The following SATL1 variants were observed in gnomAD, a reference collection of about 807,000 sequenced individuals.
SATL1 encodes spermidine/spermine N(1)-acetyltransferase-like protein 1.
SATL1 carries 47 observed loss-of-function variants against 51.8 expected under a neutral mutation model. The ratio of observed to expected loss-of-function variants is 0.91; its 90% confidence interval spans 0.72 to 1.16. The LOEUF (loss-of-function observed/expected upper bound fraction) is 1.16. Ranked by LOEUF, SATL1 falls within the 50% of genes most tolerant of loss-of-function variation. The pLI is 0.00. For missense variants in SATL1, 520 were observed against 526.4 expected (o/e 0.99, Z 0.12); for synonymous variants, 176 against 182.4 (o/e 0.97, Z 0.28).
intron 2 of SATL1, among the ~76,000 whole-genome samples, chrX:85,123,525 T>C (rs1925552070): frequency 8.9e-6 from 1 of 111,977 alleles, no homozygotes; most frequent in African/African-American, 3.2e-5. Context: ...TGTTTTTTAG[T>C]TGTTAATTTG....
At chrX:85,240,092 G>A (rs1042850420) in intron 1 of SATL1, among the ~76,000 whole-genome samples, 5 of 111,571 alleles carry the variant, frequency 4.5e-5, no homozygotes, top group Non-Finnish European at 9.4e-5. Context: ...TCCAGAAAAT[G>A]TATTTTTTTT....
At chrX:85,213,779 T>C (rs1927978923) in intron 2 of SATL1, among the ~76,000 whole-genome samples, 1 of 111,350 alleles carries the variant, frequency 9.0e-6, no homozygotes, top group African/African-American at 3.3e-5. Flanking sequence ...ATATCATCTA[T>C]GAGGACAAGT....
chrX:85,223,552 G>A (rs1928216678), intron 2 of SATL1, among the ~76,000 whole-genome samples: 1 of 111,071 alleles, frequency 9.0e-6, no homozygotes, highest in Non-Finnish European at 1.9e-5. Flanking sequence ...TCCGAATCCT[G>A]GATGATGAGC....
At chrX:85,112,633 A>G (rs1569229744) in intron 2 of SATL1, among the ~76,000 whole-genome samples, 1 of 111,178 alleles carries the variant, frequency 9.0e-6, no homozygotes. Flanking sequence ...TTACCAGACG[A>G]ATAATCCTAG....
intron 2 of SATL1, among the ~76,000 whole-genome samples, chrX:85,205,698 T>C (rs956451668): frequency 8.0e-5 from 9 of 112,175 alleles, no homozygotes; most frequent in African/African-American, 2.9e-4. Context: ...TGCTGGGCTT[T>C]GTAGGATACA....
At chrX:85,096,469 G>A (rs1924724344) in intron 4 of SATL1, among the ~76,000 whole-genome samples, 1 of 111,299 alleles carries the variant, frequency 9.0e-6, no homozygotes, top group South Asian at 3.7e-4. Flanking sequence ...TAACAGGAGA[G>A]AGGGAGAGAG....
chrX:85,177,668 A>C (rs890460940), intron 2 of SATL1, among the ~76,000 whole-genome samples: 1 of 111,757 alleles, frequency 8.9e-6, no homozygotes, highest in Admixed American at 9.5e-5. Context: ...TAAGTGTAAT[A>C]GGAGCAGGAA....
intron 6 of SATL1, 146 bp downstream of exon 6, chrX:85,093,982 C>G: frequency 2.8e-6 from 1 of 351,463 alleles, no homozygotes; most frequent in Non-Finnish European, 5.1e-6. Flanking sequence ...TTAGATCAAA[C>G]TCATTAGGAT....
chrX:85,128,641 C>G (rs1410424334), intron 2 of SATL1, among the ~76,000 whole-genome samples: 2 of 111,988 alleles, frequency 1.8e-5, no homozygotes, highest in Non-Finnish European at 3.8e-5. Context: ...TGCAGAAGCT[C>G]TTTAGTTTCA....
intron 2 of SATL1, among the ~76,000 whole-genome samples, chrX:85,159,428 A>T (rs1289230783): frequency 9.1e-6 from 1 of 110,463 alleles, no homozygotes; most frequent in Non-Finnish European, 1.9e-5. Flanking sequence ...CATGCAAGAG[A>T]TTGAGGTTGC....
At chrX:85,192,652 G>C (rs1238923898) in intron 2 of SATL1, among the ~76,000 whole-genome samples, 1 of 110,888 alleles carries the variant, frequency 9.0e-6, no homozygotes, top group Non-Finnish European at 1.9e-5. Context: ...TTGTCCACCT[G>C]CTTCCACAGC....
In SATL1 at chrX:85,111,161, A is replaced by C. The variant is rs886680536; in HGVS notation, c.-312-1881T>G. Among the ~76,000 whole-genome samples, 5 of 113,116 alleles carry C rather than the reference A, an allele frequency of 4.4e-5. No homozygotes were observed. In the Admixed American group the frequency reaches 4.7e-4, roughly 11 times the overall value. ...TGAAGTTTGTCTTTTACTTTCTTAG[A>C]GGAAGAGGCAAGTAATAGGTTTCTG... On this transcript the variant is annotated intron_variant, in intron 2 of 7. Coordinates refer to ENST00000644105, the MANE Select transcript of SATL1 (RefSeq NM_001367857.2).
chrX:85,113,021 C>T (rs962436591), intron 2 of SATL1, among the ~76,000 whole-genome samples: 7 of 111,056 alleles, frequency 6.3e-5, no homozygotes, highest in Admixed American at 1.9e-4. Context: ...TCTGACAGCG[C>T]GGGGCTGGTG....
At chrX:85,131,272 A>T (rs570882655) in intron 2 of SATL1, among the ~76,000 whole-genome samples, 2 of 111,099 alleles carry the variant, frequency 1.8e-5, no homozygotes, top group East Asian at 2.8e-4. Context: ...CTATTATTGT[A>T]TGGGGGTCTA....
Position 85,156,868 on chromosome X carries a change from TAA to T in SATL1, c.-312-47590_-312-47589del, listed in dbSNP as rs1242997143. Among the ~76,000 whole-genome samples the T allele has an allele frequency of 1.0e-3, 72 of 70,635 alleles. 1 individual carries two copies. The highest frequency in any genetic ancestry group is 4.6e-3 in the African/African-American group (70 of 15,075). The allele number at this position is 70,635 out of a possible 115,157, so 61.3% of individuals were successfully genotyped here. A position where few individuals can be genotyped will look rare whatever the true frequency, so the allele number is the denominator to read the frequency against. ...ATATATATATATATATATATATATATAAAATATGTAAATCTCTTCTCATCCAA... is the reference window on the plus strand; with the variant it reads ...ATATATATATATATATATATATATATAATATGTAAATCTCTTCTCATCCAA... On this transcript the variant is annotated intron_variant, in intron 2 of 7. Coordinates refer to ENST00000644105, the MANE Select transcript of SATL1 (RefSeq NM_001367857.2).
chrX:85,126,544 C>A (rs1049215057), intron 2 of SATL1, among the ~76,000 whole-genome samples: 20 of 111,344 alleles, frequency 1.8e-4, no homozygotes, highest in African/African-American at 6.2e-4. Flanking sequence ...ACTACTGCCG[C>A]TTTCGGTATA....
intron 2 of SATL1, among the ~76,000 whole-genome samples, chrX:85,223,188 T>C (rs1331073316): frequency 1.8e-5 from 2 of 111,767 alleles, no homozygotes. Context: ...TGTCCAAAGT[T>C]TGTGCTTTTA....
At chrX:85,198,908 G>A (rs1417269685) in intron 2 of SATL1, among the ~76,000 whole-genome samples, 1 of 108,186 alleles carries the variant, frequency 9.2e-6, no homozygotes, top group African/African-American at 3.4e-5. Flanking sequence ...ACACAATCTC[G>A]GTTCACTGCA....
At chrX:85,136,898 G>A (rs1188561275) in intron 2 of SATL1, among the ~76,000 whole-genome samples, 2 of 111,711 alleles carry the variant, frequency 1.8e-5, no homozygotes, top group African/African-American at 6.5e-5. Flanking sequence ...AACAGGCTGT[G>A]CTATAAAGAA....
Sources: allele counts gnomAD v4.1 joint callset (sites outside exome capture counted in the v4.1 genomes callset), GRCh38; gene constraint gnomAD v4.1.1; transcripts MANE v1.5; gene names NCBI Gene and HGNC (gene_info 2026-07-23, HGNC 2026-07-21).